The following KCNQ5 variants were observed in gnomAD, a reference collection of about 807,000 sequenced individuals.
The protein encoded by KCNQ5 is potassium voltage-gated channel subfamily Q member 5, also known as potassium voltage-gated channel subfamily KQT member 5.
In KCNQ5, 30 loss-of-function variants were observed where a neutral mutation model predicts 98.2. The ratio of observed to expected loss-of-function variants is 0.31; its 90% CI spans 0.23 to 0.41. KCNQ5 has a LOEUF of 0.41. Ranked by LOEUF, KCNQ5 falls within the 10% of genes least tolerant of loss-of-function variation. The pLI is 1.00. For missense variants in KCNQ5, 835 were observed against 1,182.5 expected, an observed-to-expected ratio of 0.71 and a Z score of 4.31; for synonymous variants, 458 against 449.4, an observed-to-expected ratio of 1.02 and a Z score of -0.24.
intron 10 of KCNQ5, among the ~76,000 whole-genome samples, chr6:73,148,154 G>A (rs1317788109): frequency 6.6e-6 from 1 of 152,060 alleles, no homozygotes; most frequent in Non-Finnish European, 1.5e-5. Context: ...AAACTCTCTA[G>A]TGCTTCACAC....
intron 1 of KCNQ5, among the ~76,000 whole-genome samples, chr6:72,805,901 G>A (rs990459861): frequency 1.3e-5 from 2 of 151,920 alleles, no homozygotes; most frequent in East Asian, 3.9e-4. Flanking sequence ...TTAATTCCTA[G>A]GTGTTTTATT....
intron 1 of KCNQ5, among the ~76,000 whole-genome samples, chr6:72,824,785 CTGTG>C (rs35336711): frequency 1.5e-4 from 23 of 150,834 alleles, no homozygotes; most frequent in African/African-American, 5.4e-4. Context: ...TTCTCTGTCT[CTGTG>C]TGTGTGTGTG....
intron 1 of KCNQ5, among the ~76,000 whole-genome samples, chr6:72,957,619 A>T (rs557690431): frequency 2.9e-4 from 44 of 152,280 alleles, no homozygotes; most frequent in African/African-American, 1.1e-3. Flanking sequence ...GCCACTGGTC[A>T]GGGTGATCTC....
At chr6:72,921,150 T>C (rs1354924044) in intron 1 of KCNQ5, among the ~76,000 whole-genome samples, 1 of 152,108 alleles carries the variant, frequency 6.6e-6, no homozygotes, top group African/African-American at 2.4e-5. Context: ...TTAAGATTGA[T>C]CTCATAACAT....
chr6:73,141,213 C>G (rs1325959335), intron 10 of KCNQ5, among the ~76,000 whole-genome samples: 2 of 152,206 alleles, frequency 1.3e-5, no homozygotes, highest in Non-Finnish European at 2.9e-5. Context: ...CGAGGTTCCT[C>G]TTGGGTCTCT....
intron 1 of KCNQ5, among the ~76,000 whole-genome samples, chr6:72,819,055 AAGTT>A (rs1270954077): frequency 6.6e-6 from 1 of 151,928 alleles, no homozygotes; most frequent in Non-Finnish European, 1.5e-5. Context: ...AAAATCTTAA[AAGTT>A]AGTAAGATGT....
At chr6:72,801,084 GA>G (rs1248367255) in intron 1 of KCNQ5, among the ~76,000 whole-genome samples, 5 of 152,170 alleles carry the variant, frequency 3.3e-5, no homozygotes, top group Non-Finnish European at 5.9e-5. Context: ...GTGTGGTGCT[GA>G]AAAAAATGTA....
At chr6:73,048,289 A>G (rs140490762) in intron 3 of KCNQ5, among the ~76,000 whole-genome samples, 9 of 152,356 alleles carry the variant, frequency 5.9e-5, no homozygotes, top group Admixed American at 2.0e-4. Flanking sequence ...AGGTTTAGAC[A>G]CAGATCTTTC....
chr6:73,098,081 T>C (rs942904632), intron 5 of KCNQ5, among the ~76,000 whole-genome samples: 1 of 151,642 alleles, frequency 6.6e-6, no homozygotes, highest in South Asian at 2.1e-4. Context: ...TAAATTGAAA[T>C]AATTAAAAAG....
At chr6:72,773,366 C>A (rs1773001183) in intron 1 of KCNQ5, among the ~76,000 whole-genome samples, 1 of 151,982 alleles carries the variant, frequency 6.6e-6, no homozygotes, top group Non-Finnish European at 1.5e-5. Flanking sequence ...TCATTCTCAG[C>A]AAACTTGTTC....
At chr6:73,066,940 A>G (rs576459958) in intron 3 of KCNQ5, among the ~76,000 whole-genome samples, 86 of 152,294 alleles carry the variant, frequency 5.6e-4, no homozygotes, top group African/African-American at 2.0e-3. Flanking sequence ...AAAAAATTAT[A>G]AATTTCTGCA....
chr6:73,167,399 A>G (rs188863402), intron 10 of KCNQ5, among the ~76,000 whole-genome samples: 1 of 152,332 alleles, frequency 6.6e-6, no homozygotes, highest in Admixed American at 6.5e-5. Context: ...TGCGTAATGC[A>G]ATGCAAAGGG....
chr6:73,067,863 GATATATATATATATATATATATATATAT>G (rs71695883), intron 3 of KCNQ5, among the ~76,000 whole-genome samples: 3 of 4,388 alleles, frequency 6.8e-4, no homozygotes, highest in African/African-American at 7.5e-4. Context: ...TTGGACAAAA[GATATATATATATATATATATATATATAT>G]ATATATATAT....
chr6:73,094,075 T>C (rs1037827857), intron 5 of KCNQ5, among the ~76,000 whole-genome samples: 2 of 152,196 alleles, frequency 1.3e-5, no homozygotes, highest in African/African-American at 4.8e-5. Flanking sequence ...GTTTTATAAA[T>C]TTGATAGTTC....
intron 1 of KCNQ5, among the ~76,000 whole-genome samples, chr6:72,803,782 C>T (rs1168470979): frequency 1.3e-5 from 2 of 152,022 alleles, no homozygotes; most frequent in African/African-American, 4.8e-5. Flanking sequence ...TTTTAATTTT[C>T]CTGAAGTGGC....
At chr6:72,664,999 A>G (rs1766724637) in intron 1 of KCNQ5, among the ~76,000 whole-genome samples, 1 of 152,256 alleles carries the variant, frequency 6.6e-6, no homozygotes, top group Non-Finnish European at 1.5e-5. Flanking sequence ...GTTTACAAGT[A>G]CAAATATATT....
At chr6:73,049,745 T>G (rs1772132195) in intron 3 of KCNQ5, among the ~76,000 whole-genome samples, 1 of 152,184 alleles carries the variant, frequency 6.6e-6, no homozygotes, top group African/African-American at 2.4e-5. Flanking sequence ...CTAATTCCAC[T>G]GGCCAGAACT....
intron 1 of KCNQ5, among the ~76,000 whole-genome samples, chr6:72,673,529 G>A (rs1217157972): frequency 1.3e-5 from 2 of 152,118 alleles, no homozygotes; most frequent in African/African-American, 4.8e-5. Context: ...GAAAAAAGAG[G>A]TAGACTAGGA....
intron 9 of KCNQ5, 81 bp from the exon 10 acceptor site, chr6:73,133,340 A>G: frequency 8.5e-7 from 1 of 1,180,006 alleles, no homozygotes; most frequent in Non-Finnish European, 1.2e-6. Context: ...ATATGACCAC[A>G]TGAGCTTCAT....
Sources: gnomAD v4.1 joint callset for allele counts (sites outside exome capture counted in the v4.1 genomes callset) on GRCh38, gnomAD v4.1.1 for gene constraint, MANE v1.5 for transcripts, NCBI Gene and HGNC (gene_info 2026-07-23, HGNC 2026-07-21) for gene names.